The following SLC45A2 variants were observed in gnomAD, a reference collection of about 807,000 sequenced individuals.
SLC45A2 encodes solute carrier family 45 member 2.
Under a neutral mutation model 45.5 loss-of-function variants are expected in SLC45A2, and 36 were observed. The ratio of observed to expected loss-of-function variants is 0.79; its 90% confidence interval spans 0.61 to 1.04. SLC45A2 has a LOEUF of 1.04. Among genes scored for constraint, SLC45A2 ranks in the 50% least tolerant of loss-of-function variants. The pLI, the probability that SLC45A2 is intolerant of heterozygous loss-of-function variation, is 0.00. For missense variants in SLC45A2, 719 were observed against 671.0 expected (o/e 1.07, Z -0.79); for synonymous variants, 306 against 269.3 (o/e 1.14, Z -1.33).
intron 3 of SLC45A2, among the ~76,000 whole-genome samples, chr5:33,955,660 C>A (rs555055378): frequency 3.8e-4 from 58 of 150,674 alleles, no homozygotes; most frequent in African/African-American, 1.4e-3. Context: ...CACACACAAA[C>A]ACACACACAC....
intron 2 of SLC45A2, chr5:33,970,833 A>G (rs1231520241): frequency 9.6e-6 from 3 of 313,308 alleles, no homozygotes; most frequent in African/African-American, 6.5e-5. Flanking sequence ...GAGACAGACA[A>G]TAAACAATAA....
At chr5:33,949,630 C>G (rs142639084) in intron 5 of SLC45A2, among the ~76,000 whole-genome samples, 2,801 of 152,142 alleles carry the variant, frequency 0.018, 200 homozygotes, top group Admixed American at 0.13. Context: ...GCAGAGCTGG[C>G]TGGTATTTTA....
chr5:33,954,256 A>G (rs1037921454), intron 4 of SLC45A2, 105 bp downstream of exon 4: 8 of 1,514,052 alleles, frequency 5.3e-6, no homozygotes, highest in Non-Finnish European at 6.4e-6. Context: ...CCTTTCCTAC[A>G]TTCTTACTGT....
At chr5:33,948,617 C>A (rs1752007562) in intron 5 of SLC45A2, among the ~76,000 whole-genome samples, 1 of 152,234 alleles carries the variant, frequency 6.6e-6, no homozygotes, top group Admixed American at 6.5e-5. Context: ...AAGTAGGCAA[C>A]ATTGCTTCCT....
intron 3 of SLC45A2, among the ~76,000 whole-genome samples, chr5:33,961,031 T>G (rs1329560839): frequency 2.0e-5 from 3 of 152,070 alleles, no homozygotes; most frequent in African/African-American, 7.2e-5. Context: ...CTCCATGGGG[T>G]AGAACAAGGG....
chr5:33,967,711 T>C (rs1462793612), intron 2 of SLC45A2, among the ~76,000 whole-genome samples: 2 of 152,086 alleles, frequency 1.3e-5, no homozygotes, highest in Non-Finnish European at 2.9e-5. Flanking sequence ...AGAGGGGTTA[T>C]ACTTTTATAA....
At chr5:33,974,976 T>C (rs1752883127) in intron 2 of SLC45A2, among the ~76,000 whole-genome samples, 2 of 150,072 alleles carry the variant, frequency 1.3e-5, no homozygotes, top group African/African-American at 5.1e-5. Flanking sequence ...ACGAATAATG[T>C]CGATTGTCAT....
chr5:33,951,820 C>A, intron 4 of SLC45A2, 143 bp from the exon 5 acceptor site: 1 of 970,282 alleles, frequency 1.0e-6, no homozygotes, highest in Non-Finnish European at 1.6e-6. Flanking sequence ...GCTGTCATGA[C>A]CAAGTCGCAT....
At chr5:33,951,116 G>A (rs1752083385) in intron 5 of SLC45A2, among the ~76,000 whole-genome samples, 1 of 152,144 alleles carries the variant, frequency 6.6e-6, no homozygotes. Flanking sequence ...TTACACATCT[G>A]AGCTAAGGTC....
At position 33,982,387 on chromosome 5, in the gene SLC45A2, C is replaced by A. The variant is rs747250404; in HGVS notation, c.411G>T (p.Lys137Asn). 1.9e-6 allele frequency: 3 copies of A among 1,614,066 alleles called. No homozygotes were observed. Among genetic ancestry groups the A allele is most frequent in the East Asian group, 2.2e-5 (1 of 44,896 alleles). Residue 137 changes from lysine (K) to asparagine (N), a missense_variant, in exon 2 of 7, where the codon AAG becomes AAT. By Grantham distance (94) the Lys-to-Asn change is moderately conservative (BLOSUM62 0). Transcript: ENST00000296589. ...TGGTGACACTTATGGCCCAAACCAG[C>A]TTCCTCCTTGGGTTAGCAATCAAAG... ...VAALIANPRRKLVWAISVTMI... is the reference protein window; with the variant it reads ...VAALIANPRRNLVWAISVTMI...
At chr5:33,950,990 TG>T (rs1752080138) in intron 5 of SLC45A2, among the ~76,000 whole-genome samples, 1 of 152,168 alleles carries the variant, frequency 6.6e-6, no homozygotes, top group Admixed American at 6.5e-5. Context: ...CTTTGTTCAG[TG>T]TCTTCACAGC....
intron 5 of SLC45A2, among the ~76,000 whole-genome samples, chr5:33,950,246 C>T (rs1752060326): frequency 6.6e-6 from 1 of 152,120 alleles, no homozygotes; most frequent in Admixed American, 6.5e-5. Flanking sequence ...GTCCCCTCAG[C>T]CCTTGAAATC....
intron 2 of SLC45A2, among the ~76,000 whole-genome samples, chr5:33,981,064 A>T (rs1579561626): frequency 6.6e-6 from 1 of 152,078 alleles, no homozygotes; most frequent in East Asian, 1.9e-4. Context: ...GTGCAGTGGG[A>T]AGGGAAGCCA....
intron 2 of SLC45A2, among the ~76,000 whole-genome samples, 170 bp from the exon 3 acceptor site, chr5:33,964,186 GT>G (rs1752534668): frequency 6.6e-6 from 1 of 152,192 alleles, no homozygotes; most frequent in Non-Finnish European, 1.5e-5. Context: ...GCCAGGCAAT[GT>G]GGGTTCAAGT....
intron 2 of SLC45A2, among the ~76,000 whole-genome samples, chr5:33,981,860 T>G (rs546504335): frequency 6.6e-6 from 1 of 152,322 alleles, no homozygotes; most frequent in South Asian, 2.1e-4. Context: ...TCAGAATAAC[T>G]GGAGAAGGAG....
intron 6 of SLC45A2, chr5:33,945,834 C>T (rs557882709): frequency 1.5e-5 from 9 of 581,442 alleles, no homozygotes; most frequent in African/African-American, 4.1e-5. Flanking sequence ...GCATATTATC[C>T]TTTGAATAAG....
rs899331421 is a variant in SLC45A2 at position 33,947,170 on chromosome 5, T to A, written c.1361A>T (p.Glu454Val). 2 of 1,614,128 alleles carry A rather than the reference T, an allele frequency of 1.2e-6. No individual in the cohort carries two copies. Among genetic ancestry groups the A allele is most frequent in the Admixed American group, 3.3e-5 (2 of 60,010 alleles). The change falls in exon 6 of 7, where the codon GAA becomes GTA. Residue 454 changes from glutamate to valine, a missense_variant. Coordinates refer to ENST00000296589, the MANE Select transcript of SLC45A2 (RefSeq NM_016180.5). Reference sequence around the variant, plus strand: ...GGTTCAATGACAGCACACCTCCTTTTCTTCCTCGCGGTGGTACTCAGTAAT... The same window carrying A: ...GGTTCAATGACAGCACACCTCCTTTACTTCCTCGCGGTGGTACTCAGTAAT... ...NLITEYHREE[E>V]KERQQAPGGD... is the part of the protein sequence containing the mutation.
chr5:33,953,311 A>G (rs1417995441), intron 4 of SLC45A2, among the ~76,000 whole-genome samples: 1 of 119,744 alleles, frequency 8.4e-6, no homozygotes, highest in East Asian at 2.2e-4. Context: ...AGTCCCACCA[A>G]CAGTGTAAAA....
rs975061640 is a variant in SLC45A2 at position 33,954,626 on chromosome 5, T to C, written c.889-122A>G. 8 of 1,390,630 alleles carry C rather than the reference T, an allele frequency of 5.8e-6. No homozygotes were observed. In the African/African-American group the frequency reaches 1.1e-4, roughly 20 times the overall value. The allele number at this position is 1,390,630 out of a possible 1,614,324, so 86.1% of individuals were successfully genotyped here. ...CAGCCATCACACAAAGTGTCACTTTTCCTGGACATGGAACTAGGTTTCCAT... is the reference window on the plus strand; with the variant it reads ...CAGCCATCACACAAAGTGTCACTTTCCCTGGACATGGAACTAGGTTTCCAT... On this transcript the variant is annotated intron_variant, in intron 3 of 6. Transcript: ENST00000296589.
Sources: allele counts gnomAD v4.1 joint callset (sites outside exome capture counted in the v4.1 genomes callset), GRCh38; gene constraint gnomAD v4.1.1; transcripts MANE v1.5; gene names NCBI Gene and HGNC (gene_info 2026-07-23, HGNC 2026-07-21).